KPNA1: variants seen among roughly 807,000 people sequenced by gnomAD.
KPNA1 encodes importin subunit alpha-5.
KPNA1 carries 10 observed loss-of-function variants against 70.5 expected under a neutral mutation model. That is an observed-to-expected ratio of 0.14 (90% CI 0.09 to 0.24). The LOEUF (loss-of-function observed/expected upper bound fraction) is 0.24, where lower values mean the gene tolerates loss of function less well. KPNA1 is among the 10% of genes least tolerant of loss of function. The pLI is 1.00. For synonymous variants in KPNA1, 192 were observed against 221.9 expected (o/e 0.87, Z 1.20); for missense variants, 397 against 637.9 (o/e 0.62, Z 4.07).
intron 9 of KPNA1, among the ~76,000 whole-genome samples, chr3:122,448,757 A>G (rs2076167962): frequency 6.6e-6 from 1 of 152,138 alleles, no homozygotes. Flanking sequence ...AAAAAAGAAA[A>G]AAAAAAAAGA....
At chr3:122,429,560 TA>T (rs887877192) in intron 12 of KPNA1, among the ~76,000 whole-genome samples, 92 of 144,082 alleles carry the variant, frequency 6.4e-4, no homozygotes, top group Non-Finnish European at 5.2e-4. Flanking sequence ...ACTGATGATC[TA>T]AAAAAAAAAA....
chr3:122,445,568 G>A (rs1275125721), intron 9 of KPNA1, among the ~76,000 whole-genome samples: 1 of 152,162 alleles, frequency 6.6e-6, no homozygotes, highest in Non-Finnish European at 1.5e-5. Flanking sequence ...GCAAAAACAT[G>A]CCAAATTGTA....
chr3:122,510,115 CCAGA>C (rs1342151967), intron 1 of KPNA1, among the ~76,000 whole-genome samples: 4 of 152,074 alleles, frequency 2.6e-5, no homozygotes, highest in Admixed American at 6.5e-5. Flanking sequence ...AATTTTATAC[CCAGA>C]CAAATTACTG....
chr3:122,485,642 A>AT (rs199995732), intron 2 of KPNA1, among the ~76,000 whole-genome samples: 44 of 150,632 alleles, frequency 2.9e-4, no homozygotes, highest in South Asian at 8.4e-4. Flanking sequence ...CTGGAAAGGA[A>AT]TTTTTTTTTT....
At chr3:122,463,226 T>C (rs747657728) in intron 4 of KPNA1, among the ~76,000 whole-genome samples, 2 of 151,874 alleles carry the variant, frequency 1.3e-5, no homozygotes, top group African/African-American at 4.8e-5. Context: ...CGAGCGCCTG[T>C]AGTCCCAACT....
Position 122,478,809 on chromosome 3 carries a change from G to A in KPNA1, c.130-11380C>T, listed in dbSNP as rs192557513. ...ACTCTGGAGCTGAGGCAGGAGAATC[G>A]CTTGAATCCAGGAGGCGGAGGTTGC... On this transcript the variant is annotated intron_variant, in intron 2 of 13. Transcript: ENST00000344337. Among the ~76,000 whole-genome samples the A allele has an allele frequency of 2.8e-3, 392 of 138,906 alleles. 1 individual carries two copies. The highest frequency in any genetic ancestry group is 4.0e-3 in the Non-Finnish European group (263 of 65,498). 91.1% of individuals were successfully genotyped at this position (138,906 alleles called of 152,430 possible).
chr3:122,463,377 T>C (rs1450939103), intron 4 of KPNA1, among the ~76,000 whole-genome samples: 6 of 148,020 alleles, frequency 4.1e-5, no homozygotes, highest in Non-Finnish European at 8.9e-5. Flanking sequence ...AAAAATTAGC[T>C]GGGGGTGGTG....
rs146683796 is a variant in KPNA1, at chr3:122,488,299, T to C, written c.129+8138A>G. 5.7e-3 allele frequency among the ~76,000 whole-genome samples: 873 copies of C among 152,250 alleles called. 5 individuals are homozygous for C. The highest frequency in any genetic ancestry group is 9.9e-3 in the Non-Finnish European group (674 of 68,012). ...ACTTTGGGAAGCCAAGGCAGGAGGA[T>C]TGCTTGAGGCCAGGAGTTTGAGACC... On this transcript the variant is annotated intron_variant, in intron 2 of 13. Coordinates refer to ENST00000344337, the MANE Select transcript of KPNA1 (RefSeq NM_002264.4).
chr3:122,505,725 C>T (rs1292734911), intron 1 of KPNA1, among the ~76,000 whole-genome samples: 1 of 152,194 alleles, frequency 6.6e-6, no homozygotes, highest in African/African-American at 2.4e-5. Flanking sequence ...GATCCCCTCA[C>T]TTTCTCCTTC....
intron 4 of KPNA1, among the ~76,000 whole-genome samples, chr3:122,462,247 CA>C (rs2076332487): frequency 1.3e-5 from 2 of 151,996 alleles, no homozygotes; most frequent in South Asian, 4.1e-4. Context: ...AGAAATAAAG[CA>C]AAGTTCAGCA....
rs967746673 is a variant in KPNA1, at chr3:122,426,932, G to C, written c.*53C>G. The stretch of plus-strand genomic sequence containing the variant: ...ATGAGGACTGTGGGCTCCACAAGAG[G>C]ACTCGACTGGGTAGCCTGGTCTGAC... On this transcript the variant is annotated 3_prime_UTR_variant, in exon 14 of 14. Coordinates refer to ENST00000344337, the MANE Select transcript of KPNA1 (RefSeq NM_002264.4). 1.9e-5 allele frequency: 27 copies of C among 1,439,352 alleles called. No individual in the cohort carries two copies. Among genetic ancestry groups the C allele is most frequent in the Non-Finnish European group, 2.5e-5 (26 of 1,030,636 alleles). 89.2% of individuals were successfully genotyped at this position (1,439,352 alleles called of 1,614,324 possible). A position where few individuals can be genotyped will look rare whatever the true frequency, so the allele number is the denominator to read the frequency against.
intron 4 of KPNA1, among the ~76,000 whole-genome samples, chr3:122,462,188 G>GA (rs1163541633): frequency 2.0e-5 from 3 of 151,686 alleles, no homozygotes; most frequent in African/African-American, 7.2e-5. Context: ...AAATAACACA[G>GA]AAAAAGAACA....
At chr3:122,472,331 T>C (rs1233784383) in intron 2 of KPNA1, among the ~76,000 whole-genome samples, 1 of 152,094 alleles carries the variant, frequency 6.6e-6, no homozygotes, top group East Asian at 1.9e-4. Flanking sequence ...AACACACTTC[T>C]AATAACACAT....
chr3:122,459,044 A>C (rs564747607), intron 5 of KPNA1, among the ~76,000 whole-genome samples: 1 of 152,342 alleles, frequency 6.6e-6, no homozygotes, highest in South Asian at 2.1e-4. Flanking sequence ...ATTAGTTTGC[A>C]CAAGGGTGGA....
In KPNA1 at chr3:122,469,279, A is replaced by G. The variant is rs148208315; in HGVS notation, c.130-1850T>C. The stretch of plus-strand genomic sequence containing the variant: ...CAAAGAAATTCCCCAGGCCTCCACA[A>G]ACAAGTTTATTGGATGTCTGAAAGA... On this transcript the variant is annotated intron_variant, in intron 2 of 13. Transcript: ENST00000344337. Among the ~76,000 whole-genome samples the G allele has an allele frequency of 6.2e-3, 936 of 152,172 alleles. 7 individuals are homozygous for G. The highest frequency in any genetic ancestry group is 0.014 in the Middle Eastern group (4 of 294).
rs548999741 is a variant in KPNA1 at position 122,426,768 on chromosome 3, G to A, written c.*217C>T. On this transcript the variant is annotated 3_prime_UTR_variant, in exon 14 of 14. Coordinates refer to ENST00000344337, the MANE Select transcript of KPNA1 (RefSeq NM_002264.4). ...ATTTTTCCGTAAAAGAGAGTGGGCC[G>A]TTCTGGTTACCCTTTTATTAGAAGG... The A allele has an allele frequency of 1.2e-3, 557 of 446,784 alleles. 3 individuals carry two copies. The highest frequency in any genetic ancestry group is 1.1e-3 in the Non-Finnish European group (273 of 251,526). The allele number at this position is 446,784 out of a possible 1,614,324, so 27.7% of individuals were successfully genotyped here. A position where few individuals can be genotyped will look rare whatever the true frequency, so the allele number is the denominator to read the frequency against.
At chr3:122,489,282 TTTG>T (rs987265704) in intron 2 of KPNA1, among the ~76,000 whole-genome samples, 18 of 92,124 alleles carry the variant, frequency 2.0e-4, no homozygotes, top group Middle Eastern at 5.7e-3. Context: ...TTTTACTTTG[TTTG>T]TTTTTTTTTG....
chr3:122,485,776 A>G (rs888125925), intron 2 of KPNA1, among the ~76,000 whole-genome samples: 14 of 152,290 alleles, frequency 9.2e-5, no homozygotes, highest in African/African-American at 2.9e-4. Flanking sequence ...AAATTGCTGA[A>G]AGAGTGAATA....
chr3:122,502,704 T>G lies in KPNA1; in HGVS notation c.-5-6134A>C, dbSNP rs141105996. On this transcript the variant is annotated intron_variant, in intron 1 of 13. Transcript: ENST00000344337. ...CTTGTGAATAATTCCAAGGGAATCA[T>G]ATTTAAAGGTGATGAAAAATGATAT... Among the ~76,000 whole-genome samples, 3 of 152,338 alleles carry G rather than the reference T, an allele frequency of 2.0e-5. No individual in the cohort carries two copies. The East Asian group carries it at 5.8e-4, about 29-fold the overall frequency.
Sources: gnomAD v4.1 joint callset for allele counts (sites outside exome capture counted in the v4.1 genomes callset) on GRCh38, gnomAD v4.1.1 for gene constraint, MANE v1.5 for transcripts, NCBI Gene and HGNC (gene_info 2026-07-23, HGNC 2026-07-21) for gene names.